Variants in FAM227B observed in about 807,000 individuals in gnomAD.
The protein encoded by FAM227B is family with sequence similarity 227 member B.
FAM227B carries 88 observed loss-of-function variants against 73.8 expected under a neutral mutation model. That is an observed-to-expected ratio of 1.19 (90% CI 1.00 to 1.42). The LOEUF (loss-of-function observed/expected upper bound fraction) is 1.42. Ranked by LOEUF, FAM227B falls within the 40% of genes most tolerant of loss-of-function variation. FAM227B has a pLI of 0.00. For missense variants in FAM227B, 632 were observed against 590.9 expected (o/e 1.07, Z -0.72); for synonymous variants, 210 against 190.5 (o/e 1.10, Z -0.84).
At chr15:49,448,429 T>C (rs546963615) in intron 11 of FAM227B, among the ~76,000 whole-genome samples, 1 of 151,768 alleles carries the variant, frequency 6.6e-6, no homozygotes, top group Non-Finnish European at 1.5e-5. Flanking sequence ...GTATATTAAT[T>C]GTTCATTAAA....
intron 13 of FAM227B, among the ~76,000 whole-genome samples, chr15:49,347,270 T>C (rs771960404): frequency 1.3e-5 from 2 of 152,106 alleles, no homozygotes; most frequent in Non-Finnish European, 2.9e-5. Context: ...GTTTTGCCCT[T>C]AAGAAATTAG....
chr15:49,517,856 T>C lies in FAM227B; in HGVS notation c.875-9508A>G, dbSNP rs540348380. ...ACACAATAGATTAGTTTTATAGATG[T>C]TGACCTTTATATAAATAGACTCATA... On this transcript the variant is annotated intron_variant, in intron 10 of 15. Coordinates refer to ENST00000299338, the MANE Select transcript of FAM227B (RefSeq NM_152647.3). Among the ~76,000 whole-genome samples, 6 of 152,320 alleles carry C rather than the reference T, an allele frequency of 3.9e-5. No homozygotes were observed. The East Asian group carries it at 1.2e-3, about 29-fold the overall frequency.
intron 11 of FAM227B, among the ~76,000 whole-genome samples, chr15:49,446,193 C>A (rs2052193384): frequency 6.6e-6 from 1 of 151,498 alleles, no homozygotes; most frequent in East Asian, 1.9e-4. Flanking sequence ...AATATGGGAA[C>A]ACTTTTTTCT....
chr15:49,371,475 G>C, intron 11 of FAM227B, 76 bp from the exon 12 acceptor site: 2 of 830,484 alleles, frequency 2.4e-6, no homozygotes, highest in Non-Finnish European at 3.9e-6. Flanking sequence ...TACCTCTTTC[G>C]CCTTTTAACA....
At chr15:49,355,547 A>C (rs1434269725) in intron 13 of FAM227B, among the ~76,000 whole-genome samples, 1 of 152,224 alleles carries the variant, frequency 6.6e-6, no homozygotes, top group East Asian at 1.9e-4. Context: ...AGAAAAAAGA[A>C]TAAAAAGAAA....
intron 11 of FAM227B, among the ~76,000 whole-genome samples, chr15:49,480,675 GT>G (rs1326749310): frequency 1.3e-5 from 2 of 151,956 alleles, no homozygotes; most frequent in Non-Finnish European, 2.9e-5. Flanking sequence ...TAGAAACGGG[GT>G]TTCGCCATGT....
chr15:49,473,119 T>C, intron 11 of FAM227B, among the ~76,000 whole-genome samples: 1 of 152,200 alleles, frequency 6.6e-6, no homozygotes, highest in East Asian at 1.9e-4. Flanking sequence ...AAAAACATTT[T>C]TGTATTTTTT....
At chr15:49,357,393 T>A (rs1422271547) in intron 13 of FAM227B, among the ~76,000 whole-genome samples, 1 of 149,036 alleles carries the variant, frequency 6.7e-6, no homozygotes, top group Non-Finnish European at 1.5e-5. Flanking sequence ...TAAAAAATGA[T>A]AAAGGGGATA....
intron 3 of FAM227B, among the ~76,000 whole-genome samples, chr15:49,601,758 T>C (rs1014641343): frequency 7.2e-5 from 11 of 152,230 alleles, no homozygotes; most frequent in African/African-American, 2.7e-4. Context: ...AACATTTTTG[T>C]ACCTATTAAC....
chr15:49,512,046 T>C (rs1363624193), intron 10 of FAM227B, among the ~76,000 whole-genome samples: 1 of 152,240 alleles, frequency 6.6e-6, no homozygotes, highest in East Asian at 1.9e-4. Flanking sequence ...TAGGCACATA[T>C]TTCTTTTTAT....
At chr15:49,550,731 G>A (rs985695750) in intron 9 of FAM227B, among the ~76,000 whole-genome samples, 6 of 151,800 alleles carry the variant, frequency 4.0e-5, no homozygotes, top group South Asian at 2.1e-4. Context: ...GATGGCGACC[G>A]GGAAGAGGCG....
At chr15:49,387,531 T>A (rs1235439226) in intron 11 of FAM227B, among the ~76,000 whole-genome samples, 4 of 151,906 alleles carry the variant, frequency 2.6e-5, no homozygotes, top group Non-Finnish European at 5.9e-5. Flanking sequence ...TCTTACTGAA[T>A]GGGGAAAAGT....
intron 9 of FAM227B, among the ~76,000 whole-genome samples, chr15:49,546,833 A>C (rs1212898716): frequency 6.6e-6 from 1 of 152,234 alleles, no homozygotes; most frequent in East Asian, 1.9e-4. Flanking sequence ...GATGGGGAGA[A>C]TAGAACCAAG....
chr15:49,591,628 G>A (rs957175711), intron 3 of FAM227B, among the ~76,000 whole-genome samples: 4 of 151,160 alleles, frequency 2.6e-5, no homozygotes, highest in African/African-American at 9.7e-5. Context: ...TGGGATTACA[G>A]GCACGTGCCA....
chr15:49,516,622 G>C (rs909501318), intron 10 of FAM227B, among the ~76,000 whole-genome samples: 1 of 151,794 alleles, frequency 6.6e-6, no homozygotes, highest in Non-Finnish European at 1.5e-5. Flanking sequence ...CTTTTTGTAA[G>C]GCTGGGATGT....
At chr15:49,424,190 T>C in intron 11 of FAM227B, 1 of 1,011,626 alleles carries the variant, frequency 9.9e-7, no homozygotes, top group Non-Finnish European at 1.5e-6. Context: ...CTTTCTTAAA[T>C]CAATCTACAA....
intron 13 of FAM227B, among the ~76,000 whole-genome samples, chr15:49,357,734 T>TA (rs948098893): frequency 6.8e-4 from 103 of 152,014 alleles, no homozygotes; most frequent in Non-Finnish European, 9.4e-4. Flanking sequence ...CCTAACTCAT[T>TA]TATGAGGCCA....
chr15:49,364,031 G>A (rs983112559), intron 13 of FAM227B, among the ~76,000 whole-genome samples: 5 of 152,062 alleles, frequency 3.3e-5, no homozygotes, highest in African/African-American at 1.2e-4. Flanking sequence ...ATTTTGTTGA[G>A]AATTTTTGCA....
chr15:49,368,076 T>G (rs1271087637), intron 12 of FAM227B, among the ~76,000 whole-genome samples: 1 of 151,650 alleles, frequency 6.6e-6, no homozygotes, highest in Non-Finnish European at 1.5e-5. Context: ...AAAGCAAGAG[T>G]AAGCAACTCA....
Sources: allele counts gnomAD v4.1 joint callset (sites outside exome capture counted in the v4.1 genomes callset), GRCh38; gene constraint gnomAD v4.1.1; transcripts MANE v1.5; gene names NCBI Gene and HGNC (gene_info 2026-07-23, HGNC 2026-07-21).